Variants in STK39 observed in about 807,000 individuals in gnomAD.
STK39 encodes the protein serine/threonine kinase 39.
Under a neutral mutation model 77.8 loss-of-function variants are expected in STK39, and 20 were observed. That is an observed-to-expected ratio of 0.26 (90% CI 0.18 to 0.37). The LOEUF (loss-of-function observed/expected upper bound fraction) is 0.37, where lower values mean the gene tolerates loss of function less well. Ranked by LOEUF, STK39 falls within the 10% of genes least tolerant of loss-of-function variation. The pLI, the probability that STK39 is intolerant of heterozygous loss-of-function variation, is 1.00. For synonymous variants in STK39, 246 were observed against 234.1 expected, an observed-to-expected ratio of 1.05 and a Z score of -0.47; for missense variants, 479 against 656.5, an observed-to-expected ratio of 0.73 and a Z score of 2.95.
intron 10 of STK39, among the ~76,000 whole-genome samples, chr2:168,079,928 T>TTAAA (rs578123439): frequency 0.02 from 3,021 of 152,232 alleles, 105 homozygotes; most frequent in African/African-American, 0.069. Flanking sequence ...GTAACATGTG[T>TTAAA]CCATGGCCCA....
At chr2:168,202,711 C>G (rs1397459031) in intron 1 of STK39, among the ~76,000 whole-genome samples, 2 of 150,976 alleles carry the variant, frequency 1.3e-5, no homozygotes, top group African/African-American at 2.4e-5. Context: ...TGGATCACTA[C>G]AACTTCAGAA....
chr2:168,034,302 T>C lies in STK39; in HGVS notation c.1377-17207A>G, dbSNP rs1462330388. Among the ~76,000 whole-genome samples, 7 of 152,296 alleles carry C rather than the reference T, an allele frequency of 4.6e-5. No individual in the cohort carries two copies. The East Asian group carries it at 9.7e-4, about 21-fold the overall frequency. ...ATTGTCAGGGAGTGAAACAAGCCCA[T>C]GAGAATCTGAGAAGTTTTCTGATAA... On this transcript the variant is annotated intron_variant, in intron 14 of 17. Coordinates refer to ENST00000355999, the MANE Select transcript of STK39 (RefSeq NM_013233.3).
chr2:168,158,577 C>T (rs1688493104), intron 5 of STK39, among the ~76,000 whole-genome samples: 1 of 152,124 alleles, frequency 6.6e-6, no homozygotes, highest in African/African-American at 2.4e-5. Flanking sequence ...CATTTAAATC[C>T]AGATTTAAGG....
chr2:167,973,372 T>C (rs187972656), intron 16 of STK39, among the ~76,000 whole-genome samples: 1 of 152,240 alleles, frequency 6.6e-6, no homozygotes, highest in African/African-American at 2.4e-5. Context: ...AGATAAGGCC[T>C]GAGGACATTC....
chr2:168,057,992 C>T (rs1685569432), intron 14 of STK39, among the ~76,000 whole-genome samples: 2 of 152,156 alleles, frequency 1.3e-5, no homozygotes, highest in Non-Finnish European at 2.9e-5. Context: ...TTGAATCATT[C>T]CCATTCACCT....
chr2:168,132,251 A>C (rs1235124361), intron 8 of STK39, among the ~76,000 whole-genome samples: 1 of 151,910 alleles, frequency 6.6e-6, no homozygotes, highest in African/African-American at 2.4e-5. Flanking sequence ...TGATGAAAAA[A>C]CTCAAGGCCC....
intron 10 of STK39, among the ~76,000 whole-genome samples, chr2:168,092,436 T>C (rs973602575): frequency 1.3e-5 from 2 of 152,252 alleles, no homozygotes; most frequent in African/African-American, 4.8e-5. Context: ...ATAACACAGA[T>C]TTACCTGTAA....
chr2:167,964,617 G>A, intron 17 of STK39, 45 bp downstream of exon 17: 19 of 1,520,060 alleles, frequency 1.2e-5, no homozygotes, highest in Non-Finnish European at 1.7e-5. Context: ...TGCTGGCACA[G>A]CATGGCAAAA....
intron 8 of STK39, 106 bp downstream of exon 8, chr2:168,137,982 C>A (rs1297421717): frequency 2.8e-6 from 4 of 1,441,582 alleles, no homozygotes; most frequent in Middle Eastern, 1.9e-4. Context: ...GTTTCCCAGA[C>A]AAGAAATACC....
intron 10 of STK39, among the ~76,000 whole-genome samples, chr2:168,085,347 T>C (rs1167060773): frequency 2.0e-5 from 3 of 152,198 alleles, no homozygotes; most frequent in South Asian, 2.1e-4. Flanking sequence ...CACGCCTGGC[T>C]AGACTCCAGA....
At chr2:168,211,008 T>A (rs1418631527) in intron 1 of STK39, among the ~76,000 whole-genome samples, 1 of 152,194 alleles carries the variant, frequency 6.6e-6, no homozygotes, top group African/African-American at 2.4e-5. Flanking sequence ...GAGTAGTCAT[T>A]ATATGGTTAA....
chr2:168,247,536 C>A lies in STK39; in HGVS notation c.-101G>T. 8.1e-6 allele frequency: 8 copies of A among 990,874 alleles called. No homozygotes were observed. The highest frequency in any genetic ancestry group is 9.9e-6 in the Non-Finnish European group (8 of 808,118). 61.4% of individuals were successfully genotyped at this position (990,874 alleles called of 1,614,324 possible). A position where few individuals can be genotyped will look rare whatever the true frequency, so the allele number is the denominator to read the frequency against. The stretch of plus-strand genomic sequence containing the variant: ...CCGACACCTCTCGGCCGGCGCACGC[C>A]CTCCCCGCCCGCCGCCGCCGCCGCC... On this transcript the variant is annotated 5_prime_UTR_variant, in exon 1 of 18. Coordinates refer to ENST00000355999, the MANE Select transcript of STK39 (RefSeq NM_013233.3).
At chr2:167,981,179 GC>G (rs142150396) in intron 16 of STK39, among the ~76,000 whole-genome samples, 5,760 of 152,212 alleles carry the variant, frequency 0.038, 391 homozygotes, top group African/African-American at 0.13. Context: ...AATATTCATT[GC>G]AGGTCCACGT....
intron 12 of STK39, among the ~76,000 whole-genome samples, chr2:168,072,792 T>C (rs953580474): frequency 6.6e-6 from 1 of 152,212 alleles, no homozygotes; most frequent in South Asian, 2.1e-4. Flanking sequence ...AATTAAAAGC[T>C]GAAAGGACAC....
At chr2:167,990,465 A>G (rs565607287) in intron 16 of STK39, among the ~76,000 whole-genome samples, 1 of 152,252 alleles carries the variant, frequency 6.6e-6, no homozygotes, top group Non-Finnish European at 1.5e-5. Flanking sequence ...CATTAGGCTT[A>G]TAACGAGAAA....
chr2:168,151,623 C>A (rs1013351073), intron 5 of STK39, among the ~76,000 whole-genome samples: 11 of 151,800 alleles, frequency 7.2e-5, no homozygotes, highest in African/African-American at 2.2e-4. Context: ...CCTATAGTCC[C>A]AGCTACTCGT....
chr2:168,031,675 T>A (rs1051882893), intron 14 of STK39, among the ~76,000 whole-genome samples: 4 of 152,044 alleles, frequency 2.6e-5, no homozygotes, highest in Admixed American at 2.6e-4. Flanking sequence ...AGAGGAAAGA[T>A]CACATAAGAA....
At chr2:168,055,938 T>G (rs1306106292) in intron 14 of STK39, among the ~76,000 whole-genome samples, 1 of 152,238 alleles carries the variant, frequency 6.6e-6, no homozygotes, top group African/African-American at 2.4e-5. Context: ...TAGGAGGATT[T>G]CCTTACCTTG....
chr2:168,045,046 AAAAAAAC>A (rs1457702295), intron 14 of STK39, among the ~76,000 whole-genome samples: 2 of 152,158 alleles, frequency 1.3e-5, no homozygotes, highest in Non-Finnish European at 2.9e-5. Context: ...GGCACAAGTC[AAAAAAAC>A]AAAAAACAAA....
Sources: allele counts gnomAD v4.1 joint callset (sites outside exome capture counted in the v4.1 genomes callset), GRCh38; gene constraint gnomAD v4.1.1; transcripts MANE v1.5; gene names NCBI Gene and HGNC (gene_info 2026-07-23, HGNC 2026-07-21).